Variants in SMYD3 observed in about 807,000 individuals in gnomAD.
SMYD3 encodes the protein histone-lysine N-methyltransferase SMYD3.
A neutral mutation model predicts 57.7 loss-of-function variants in SMYD3; 36 were observed. The ratio of observed to expected loss-of-function variants is 0.62; its 90% CI spans 0.48 to 0.82. SMYD3 has a LOEUF of 0.82. Among genes scored for constraint, SMYD3 ranks in the 40% least tolerant of loss-of-function variants. SMYD3 has a pLI of 0.00. For synonymous variants in SMYD3, 211 were observed against 195.0 expected (o/e 1.08, Z -0.68); for missense variants, 515 against 538.8 (o/e 0.96, Z 0.44).
chr1:246,324,201 G>A (rs1309509279), intron 5 of SMYD3, among the ~76,000 whole-genome samples: 1 of 152,082 alleles, frequency 6.6e-6, no homozygotes, highest in Non-Finnish European at 1.5e-5. Context: ...GATCATCCGA[G>A]GTCAGGAGAT....
At chr1:246,453,755 C>T (rs895199154) in intron 1 of SMYD3, among the ~76,000 whole-genome samples, 3 of 152,202 alleles carry the variant, frequency 2.0e-5, no homozygotes, top group African/African-American at 7.2e-5. Context: ...GCTTTGTCAG[C>T]TAACCCAATT....
intron 5 of SMYD3, among the ~76,000 whole-genome samples, chr1:245,931,390 A>G (rs1198612281): frequency 6.6e-6 from 1 of 152,208 alleles, no homozygotes; most frequent in Non-Finnish European, 1.5e-5. Context: ...GAAAGGAGTC[A>G]GGATAATGCT....
intron 5 of SMYD3, among the ~76,000 whole-genome samples, chr1:246,231,923 C>T (rs1456679606): frequency 1.3e-5 from 2 of 152,174 alleles, no homozygotes; most frequent in South Asian, 2.1e-4. Flanking sequence ...TGAGTTTTTC[C>T]TTGGGAGCAC....
chr1:245,806,665 C>T (rs747443595), intron 10 of SMYD3, among the ~76,000 whole-genome samples: 9 of 151,444 alleles, frequency 5.9e-5, no homozygotes, highest in Non-Finnish European at 1.0e-4. Context: ...AATCCCAGCA[C>T]TTTGGGAGGC....
At chr1:245,865,619 T>C (rs1184961273) in intron 8 of SMYD3, among the ~76,000 whole-genome samples, 1 of 152,234 alleles carries the variant, frequency 6.6e-6, no homozygotes, top group Admixed American at 6.5e-5. Flanking sequence ...CTATGGTCTT[T>C]TCAGCATGCT....
intron 5 of SMYD3, among the ~76,000 whole-genome samples, chr1:246,320,535 G>A (rs1572376135): frequency 6.6e-6 from 1 of 152,124 alleles, no homozygotes. Context: ...TCTGTGGTCA[G>A]GAAGGTCACT....
intron 5 of SMYD3, among the ~76,000 whole-genome samples, chr1:245,990,331 C>T (rs192837035): frequency 1.7e-4 from 26 of 152,314 alleles, no homozygotes; most frequent in African/African-American, 6.3e-4. Context: ...TCAAGCAATC[C>T]TCCCGCCTGG....
intron 10 of SMYD3, among the ~76,000 whole-genome samples, chr1:245,825,830 G>A (rs2049452817): frequency 6.6e-6 from 1 of 150,660 alleles, no homozygotes; most frequent in African/African-American, 2.4e-5. Context: ...GAAATCTAAA[G>A]TTTAGAAGAA....
intron 10 of SMYD3, among the ~76,000 whole-genome samples, chr1:245,853,564 A>C (rs1275511749): frequency 1.3e-5 from 2 of 152,216 alleles, no homozygotes; most frequent in Non-Finnish European, 2.9e-5. Flanking sequence ...GTACCCGGCA[A>C]GCTCTGCAGA....
intron 7 of SMYD3, among the ~76,000 whole-genome samples, chr1:245,927,425 G>A (rs1041301853): frequency 7.2e-5 from 11 of 152,180 alleles, no homozygotes; most frequent in African/African-American, 2.2e-4. Flanking sequence ...GGTTTGTCAA[G>A]TCCCAATGTC....
chr1:246,398,219 C>T (rs781137973), intron 1 of SMYD3, among the ~76,000 whole-genome samples: 2 of 152,180 alleles, frequency 1.3e-5, no homozygotes, highest in Non-Finnish European at 2.9e-5. Flanking sequence ...CTAATCTCAT[C>T]GGCTTTCATT....
intron 5 of SMYD3, among the ~76,000 whole-genome samples, chr1:246,180,077 G>A (rs2062510254): frequency 6.6e-6 from 1 of 151,484 alleles, no homozygotes; most frequent in Non-Finnish European, 1.5e-5. Flanking sequence ...GGAGGTCAAG[G>A]CAGGAGGATC....
At chr1:246,454,407 A>C (rs1372608815) in intron 1 of SMYD3, among the ~76,000 whole-genome samples, 1 of 152,220 alleles carries the variant, frequency 6.6e-6, no homozygotes. Flanking sequence ...AATACAAAGC[A>C]ATACATGAAA....
intron 1 of SMYD3, among the ~76,000 whole-genome samples, chr1:246,406,833 A>G (rs1572470294): frequency 6.6e-6 from 1 of 152,236 alleles, no homozygotes; most frequent in East Asian, 1.9e-4. Context: ...TTGCTTCGAT[A>G]TGCAGCAGTC....
intron 5 of SMYD3, among the ~76,000 whole-genome samples, chr1:246,216,542 C>T (rs779775860): frequency 6.6e-6 from 1 of 152,022 alleles, no homozygotes; most frequent in African/African-American, 2.4e-5. Context: ...TTGTCTAAGA[C>T]GTGCTATGGC....
intron 1 of SMYD3, among the ~76,000 whole-genome samples, chr1:246,367,963 G>A (rs371582236): frequency 3.9e-5 from 6 of 152,104 alleles, no homozygotes; most frequent in African/African-American, 1.2e-4. Context: ...TCTAGAGAAC[G>A]GAGTGTCATA....
chr1:246,290,894 A>G (rs937302731), intron 5 of SMYD3, among the ~76,000 whole-genome samples: 6 of 152,204 alleles, frequency 3.9e-5, no homozygotes, highest in Non-Finnish European at 8.8e-5. Flanking sequence ...AAGAAATATA[A>G]TAATTTATAA....
At chr1:245,900,017 G>C (rs2054079702) in intron 8 of SMYD3, among the ~76,000 whole-genome samples, 1 of 152,144 alleles carries the variant, frequency 6.6e-6, no homozygotes, top group Non-Finnish European at 1.5e-5. Context: ...GCCAACTGCA[G>C]ATCTTGAGAC....
chr1:245,774,848 G>A (rs2046498289), intron 10 of SMYD3, among the ~76,000 whole-genome samples: 1 of 152,176 alleles, frequency 6.6e-6, no homozygotes, highest in South Asian at 2.1e-4. Context: ...TTGCAGGGGT[G>A]CACCGCCACG....
Sources: gnomAD v4.1 joint callset for allele counts (sites outside exome capture counted in the v4.1 genomes callset) on GRCh38, gnomAD v4.1.1 for gene constraint, MANE v1.5 for transcripts, NCBI Gene and HGNC (gene_info 2026-07-23, HGNC 2026-07-21) for gene names.